Variants in OPN3 observed in about 807,000 individuals in gnomAD.
The protein encoded by OPN3 is opsin-3.
OPN3 carries 29 observed loss-of-function variants against 33.8 expected under a neutral mutation model. That is an observed-to-expected ratio of 0.86 (90% confidence interval 0.64 to 1.17). OPN3 has a LOEUF of 1.17. OPN3 is among the 50% of genes most tolerant of loss of function. The pLI, the probability that OPN3 is intolerant of heterozygous loss-of-function variation, is 0.00. For synonymous variants in OPN3, 216 were observed against 216.1 expected (o/e 1.00, Z 0.00); for missense variants, 437 against 514.1 (o/e 0.85, Z 1.45).
In OPN3 at chr1:241,640,337, G is replaced by C. The variant is rs183350084; in HGVS notation, c.-83C>G. ...GCGCGCTCCGCACTGGGTGGGGTTG[G>C]GGCTCCGCCGCCTGCTCTAGCCATT... On this transcript the variant is annotated 5_prime_UTR_variant, in exon 1 of 4. Coordinates refer to ENST00000366554, the MANE Select transcript of OPN3 (RefSeq NM_014322.3). 0.013 allele frequency: 13,814 copies of C among 1,068,474 alleles called. 1,354 individuals carry two copies. The African/African-American group carries it at 0.21, about 16-fold the overall frequency. The allele number at this position is 1,068,474 out of a possible 1,614,324, so 66.2% of individuals were successfully genotyped here. A position where few individuals can be genotyped will look rare whatever the true frequency, so the allele number is the denominator to read the frequency against.
At chr1:241,638,883 T>C (rs573356069) in intron 1 of OPN3, among the ~76,000 whole-genome samples, 1 of 152,312 alleles carries the variant, frequency 6.6e-6, no homozygotes, top group Admixed American at 6.5e-5. Flanking sequence ...CCTACCAAGA[T>C]TAAAGCAATA....
chr1:241,632,814 A>G (rs1310382064), intron 1 of OPN3: 1 of 152,222 alleles, frequency 6.6e-6, no homozygotes, highest in South Asian at 2.1e-4. Context: ...AACCTTGGGT[A>G]ATCTATTTAT....
At chr1:241,627,728 G>A (rs1165846904) in intron 1 of OPN3, among the ~76,000 whole-genome samples, 1 of 151,498 alleles carries the variant, frequency 6.6e-6, no homozygotes, top group Non-Finnish European at 1.5e-5. Context: ...AAAAGGAAAT[G>A]AACTACACTA....
intron 1 of OPN3, among the ~76,000 whole-genome samples, chr1:241,626,839 A>G (rs1426402771): frequency 6.6e-6 from 1 of 152,220 alleles, no homozygotes; most frequent in Admixed American, 6.5e-5. Context: ...CTTTAATTAT[A>G]TGATGTATAA....
intron 1 of OPN3, among the ~76,000 whole-genome samples, chr1:241,606,522 G>A (rs999495873): frequency 1.3e-5 from 2 of 150,470 alleles, no homozygotes; most frequent in African/African-American, 4.9e-5. Context: ...TCCAGCCTGG[G>A]CAACAAGAGT....
intron 1 of OPN3, chr1:241,634,356 C>A (rs368722099): frequency 3.6e-5 from 58 of 1,613,870 alleles, no homozygotes; most frequent in Non-Finnish European, 4.5e-5. Context: ...GTCTGCTGAT[C>A]TAAATCTGTC....
rs565405077 is a variant in OPN3 at position 241,604,146 on chromosome 1, T to G, written c.693+114A>C. The G allele has an allele frequency of 6.2e-5, 55 of 892,842 alleles. No homozygotes were observed. In the East Asian group the frequency reaches 1.3e-3, roughly 21 times the overall value. 55.3% of individuals were successfully genotyped at this position (892,842 alleles called of 1,614,324 possible). A position where few individuals can be genotyped will look rare whatever the true frequency, so the allele number is the denominator to read the frequency against. On this transcript the variant is annotated intron_variant, in intron 2 of 3. Transcript: ENST00000366554. The stretch of plus-strand genomic sequence containing the variant: ...AACCAGATGGGAAGTCCCCTAGAAC[T>G]GCTCTACCTCTGGGCAACTACTGAT...
At chr1:241,609,797 T>A (rs1042558051) in intron 1 of OPN3, among the ~76,000 whole-genome samples, 2 of 152,156 alleles carry the variant, frequency 1.3e-5, no homozygotes, top group African/African-American at 4.8e-5. Context: ...CCTCCTTGAA[T>A]TATTGCAAGA....
chr1:241,601,638 G>A (rs956667192), intron 2 of OPN3, among the ~76,000 whole-genome samples: 45 of 152,200 alleles, frequency 3.0e-4, no homozygotes, highest in Middle Eastern at 3.4e-3. Flanking sequence ...CCTGTGAGGC[G>A]GAGGTTGCAG....
intron 1 of OPN3, among the ~76,000 whole-genome samples, chr1:241,624,512 C>T (rs1664359100): frequency 6.6e-6 from 1 of 152,190 alleles, no homozygotes; most frequent in Non-Finnish European, 1.5e-5. Context: ...TGTTTATATA[C>T]TGCAGAAATG....
chr1:241,597,733 T>A lies in OPN3; in HGVS notation c.945+13A>T, dbSNP rs752985679. ...GCCCAGGGTGAAAACAATCAGTTAA[T>A]TGCAAAGCTTACCTTTCTGATCATG... is the stretch of plus-strand genomic sequence containing the variant. On this transcript the variant is annotated intron_variant, in intron 3 of 3. Coordinates refer to ENST00000366554, the MANE Select transcript of OPN3 (RefSeq NM_014322.3). 4 of 1,609,790 alleles carry A rather than the reference T, an allele frequency of 2.5e-6. No homozygotes were observed. The highest frequency in any genetic ancestry group is 3.3e-5 in the Admixed American group (2 of 59,842).
chr1:241,640,125 G>A lies in OPN3; in HGVS notation c.130C>T (p.Leu44=), dbSNP rs1665064413. The change falls in exon 1 of 4, where the codon CTG becomes TTG. Residue 44 remains leucine, a synonymous_variant. Coordinates refer to ENST00000366554, the MANE Select transcript of OPN3 (RefSeq NM_014322.3). The part of the protein sequence containing the change: ...PLFSPGTYER[L]ALLLGSIGLL... Reference sequence around the variant, plus strand: ...CCAATGGAGCCCAGCAGCAGCGCCAGGCGCTCGTAGGTGCCGGGGCTGAAG... The same window carrying A: ...CCAATGGAGCCCAGCAGCAGCGCCAAGCGCTCGTAGGTGCCGGGGCTGAAG... 1.3e-6 allele frequency: 2 copies of A among 1,596,966 alleles called. No individual in the cohort carries two copies. The highest frequency in any genetic ancestry group is 1.4e-5 in the African/African-American group (1 of 72,912).
At chr1:241,609,979 A>C (rs1176395078) in intron 1 of OPN3, among the ~76,000 whole-genome samples, 2 of 152,210 alleles carry the variant, frequency 1.3e-5, no homozygotes, top group African/African-American at 2.4e-5. Context: ...CTATGTATAC[A>C]ACCATATTTA....
At chr1:241,638,341 G>A (rs367611468) in intron 1 of OPN3, among the ~76,000 whole-genome samples, 1 of 152,164 alleles carries the variant, frequency 6.6e-6, no homozygotes, top group Non-Finnish European at 1.5e-5. Flanking sequence ...GTGAGGAAGA[G>A]GGTGGATGAC....
intron 2 of OPN3, among the ~76,000 whole-genome samples, chr1:241,599,371 T>C (rs1388843321): frequency 6.6e-6 from 1 of 152,136 alleles, no homozygotes; most frequent in African/African-American, 2.4e-5. Flanking sequence ...ATATAAAGTA[T>C]TTGTATTTTT....
intron 1 of OPN3, among the ~76,000 whole-genome samples, chr1:241,614,934 A>G (rs1187390499): frequency 6.6e-6 from 1 of 152,250 alleles, no homozygotes. Flanking sequence ...TCCACAAACC[A>G]TAACCAAGGA....
intron 1 of OPN3, chr1:241,633,941 G>A (rs920004999): frequency 4.3e-6 from 7 of 1,613,894 alleles, no homozygotes; most frequent in Non-Finnish European, 5.9e-6. Flanking sequence ...ATTTGGAGGT[G>A]GAGGGCAGAA....
At chr1:241,604,108 T>C (rs1400942964) in intron 2 of OPN3, 152 bp downstream of exon 2, 2 of 651,576 alleles carry the variant, frequency 3.1e-6, no homozygotes, top group Non-Finnish European at 5.4e-6. Flanking sequence ...GAGTGACTCA[T>C]AGCATAAAAT....
At chr1:241,631,456 T>C (rs1664630182) in intron 1 of OPN3, 1 of 152,120 alleles carries the variant, frequency 6.6e-6, no homozygotes, top group Non-Finnish European at 1.5e-5. Context: ...AGTATTTCAG[T>C]TGTTCTGTTA....
Sources: allele counts gnomAD v4.1 joint callset (sites outside exome capture counted in the v4.1 genomes callset), GRCh38; gene constraint gnomAD v4.1.1; transcripts MANE v1.5; gene names NCBI Gene and HGNC (gene_info 2026-07-23, HGNC 2026-07-21).